DNER: variants seen among roughly 807,000 people sequenced by gnomAD.
DNER encodes delta/notch like EGF repeat containing.
In DNER, 33 loss-of-function variants were observed where a neutral mutation model predicts 78.2. The observed-to-expected ratio is 0.42, with a 90% confidence interval of 0.32 to 0.56. The LOEUF (loss-of-function observed/expected upper bound fraction) is 0.56, where lower values mean the gene tolerates loss of function less well. DNER is among the 20% of genes least tolerant of loss of function. The probability of loss-of-function intolerance (pLI) is 0.11; values close to 1 mark genes in which losing one functional copy is unlikely to be tolerated. For missense variants in DNER, 918 were observed against 975.3 expected (o/e 0.94, Z 0.78); for synonymous variants, 417 against 384.8 (o/e 1.08, Z -0.98).
In DNER at chr2:229,358,122, A is replaced by G. The variant is rs1165971938; in HGVS notation, c.*418T>C. ...AAACGAACATTTCAGACTTCTTTTT[A>G]AGTAACGGGTATACTCTATTATACA... On this transcript the variant is annotated 3_prime_UTR_variant, in exon 13 of 13. Transcript: ENST00000341772. 2 of 153,158 alleles carry G rather than the reference A, an allele frequency of 1.3e-5. No homozygotes were observed. Among genetic ancestry groups the G allele is most frequent in the Non-Finnish European group, 2.9e-5 (2 of 68,452 alleles). The allele number at this position is 153,158 out of a possible 1,614,324, so 9.5% of individuals were successfully genotyped here.
At chr2:229,580,678 C>G (rs564402484) in intron 4 of DNER, among the ~76,000 whole-genome samples, 2 of 152,160 alleles carry the variant, frequency 1.3e-5, no homozygotes, top group East Asian at 3.9e-4. Flanking sequence ...GGTAACAAAA[C>G]GAACCATAAG....
At position 229,692,988 on chromosome 2, in the gene DNER, C is replaced by A. The variant is rs1237740203; in HGVS notation, c.276+21160G>T. Among the ~76,000 whole-genome samples the A allele has an allele frequency of 2.0e-5, 3 of 151,968 alleles. No homozygotes were observed. The East Asian group carries it at 5.8e-4, about 29-fold the overall frequency. ...TGCACTGCTATATGTCTTGGGCAAG[C>A]CACCAAGAACCTCTGTGCATTCCAG... On this transcript the variant is annotated intron_variant, in intron 1 of 12. Transcript: ENST00000341772.
intron 1 of DNER, among the ~76,000 whole-genome samples, chr2:229,649,398 C>T (rs946108469): frequency 2.0e-5 from 3 of 152,160 alleles, no homozygotes; most frequent in African/African-American, 7.2e-5. Context: ...AACCCTGTTA[C>T]TTTGAAATGA....
chr2:229,373,643 A>G (rs960770599), intron 11 of DNER, among the ~76,000 whole-genome samples: 7 of 152,228 alleles, frequency 4.6e-5, no homozygotes, highest in African/African-American at 1.7e-4. Flanking sequence ...TTGCACGTTC[A>G]CTGCAGCACT....
At chr2:229,513,832 C>G (rs964548971) in intron 5 of DNER, among the ~76,000 whole-genome samples, 2 of 152,122 alleles carry the variant, frequency 1.3e-5, no homozygotes, top group African/African-American at 4.8e-5. Flanking sequence ...CCAAGCCTGG[C>G]ACATGGGGCA....
intron 7 of DNER, among the ~76,000 whole-genome samples, chr2:229,468,314 A>G (rs969197716): frequency 1.3e-5 from 2 of 152,212 alleles, no homozygotes; most frequent in African/African-American, 4.8e-5. Flanking sequence ...ACAAGATTAG[A>G]CATTACAGTT....
At chr2:229,648,593 C>T (rs541285418) in intron 1 of DNER, among the ~76,000 whole-genome samples, 9 of 152,262 alleles carry the variant, frequency 5.9e-5, no homozygotes, top group Non-Finnish European at 1.0e-4. Flanking sequence ...TTACTTCACC[C>T]CAGAGATGTC....
chr2:229,654,848 G>A (rs185963283), intron 1 of DNER, among the ~76,000 whole-genome samples: 69 of 152,216 alleles, frequency 4.5e-4, no homozygotes, highest in Non-Finnish European at 7.8e-4. Context: ...GCTCATTAAT[G>A]AGCACACTGA....
intron 11 of DNER, among the ~76,000 whole-genome samples, chr2:229,384,701 A>C (rs1022045377): frequency 6.6e-6 from 1 of 152,186 alleles, no homozygotes; most frequent in Non-Finnish European, 1.5e-5. Flanking sequence ...CCCTCCCAAG[A>C]CTAAACCAGA....
At chr2:229,556,809 G>A (rs548529809) in intron 4 of DNER, among the ~76,000 whole-genome samples, 6 of 152,246 alleles carry the variant, frequency 3.9e-5, no homozygotes, top group East Asian at 1.9e-4. Flanking sequence ...ACATTACCAC[G>A]TAACTCCTAA....
intron 10 of DNER, among the ~76,000 whole-genome samples, chr2:229,399,859 A>G (rs1693230227): frequency 6.6e-6 from 1 of 152,064 alleles, no homozygotes; most frequent in Non-Finnish European, 1.5e-5. Context: ...TAGTTAGAAG[A>G]TTCAGGAAAG....
chr2:229,464,376 C>G (rs1694761285), intron 7 of DNER, among the ~76,000 whole-genome samples: 1 of 151,892 alleles, frequency 6.6e-6, no homozygotes. Flanking sequence ...TTGAGCAGAA[C>G]AGAAAGTCAA....
chr2:229,580,800 A>AGAATAACTGTTAGAATATTCCAGGGT lies in DNER; in HGVS notation c.847+5032_847+5057dup, dbSNP rs1464027481. On this transcript the variant is annotated intron_variant, in intron 4 of 12. Transcript: ENST00000341772. ...TGATCCAAAGGAGAATATTCCAGGGAGAATAACTGTTAGAATATTCCAGGG... is the reference window on the plus strand; with the variant it reads ...TGATCCAAAGGAGAATATTCCAGGGAGAATAACTGTTAGAATATTCCAGGGTGAATAACTGTTAGAATATTCCAGGG... 3.3e-5 allele frequency among the ~76,000 whole-genome samples: 5 copies of AGAATAACTGTTAGAATATTCCAGGGT among 152,364 alleles called. No homozygotes were observed. In the East Asian group the frequency reaches 9.6e-4, roughly 29 times the overall value.
intron 6 of DNER, among the ~76,000 whole-genome samples, chr2:229,481,142 G>T (rs943605836): frequency 6.6e-6 from 1 of 152,216 alleles, no homozygotes; most frequent in Admixed American, 6.5e-5. Context: ...TCCCTGGAAA[G>T]GGAGGGGCCC....
At chr2:229,691,244 C>A (rs1164496490) in intron 1 of DNER, among the ~76,000 whole-genome samples, 1 of 152,134 alleles carries the variant, frequency 6.6e-6, no homozygotes, top group Admixed American at 6.5e-5. Flanking sequence ...AGCTCTAACC[C>A]TCTATAGTTA....
intron 7 of DNER, among the ~76,000 whole-genome samples, chr2:229,471,204 C>T (rs73998245): frequency 0.021 from 3,153 of 152,076 alleles, 120 homozygotes; most frequent in African/African-American, 0.073. Flanking sequence ...GTAACATACC[C>T]AGTTTTTAAA....
chr2:229,408,926 C>T (rs1325346919), intron 9 of DNER, among the ~76,000 whole-genome samples: 1 of 152,072 alleles, frequency 6.6e-6, no homozygotes, highest in African/African-American at 2.4e-5. Flanking sequence ...TCTTTCCTTC[C>T]TGAGACCACC....
At chr2:229,516,798 A>AG (rs1377639505) in intron 5 of DNER, among the ~76,000 whole-genome samples, 2 of 148,622 alleles carry the variant, frequency 1.3e-5, no homozygotes, top group African/African-American at 5.0e-5. Flanking sequence ...AAAAAAAAAA[A>AG]AAAAAAGAAA....
chr2:229,615,853 G>T (rs996995059), intron 1 of DNER, among the ~76,000 whole-genome samples: 1 of 152,196 alleles, frequency 6.6e-6, no homozygotes, highest in African/African-American at 2.4e-5. Flanking sequence ...AGTGAGGGTA[G>T]CTAGGATCCA....
Sources: gnomAD v4.1 joint callset for allele counts (sites outside exome capture counted in the v4.1 genomes callset) on GRCh38, gnomAD v4.1.1 for gene constraint, MANE v1.5 for transcripts, NCBI Gene and HGNC (gene_info 2026-07-23, HGNC 2026-07-21) for gene names.